The following CHLSN variants were observed in gnomAD, a reference collection of about 807,000 sequenced individuals.
CHLSN encodes the protein cholesin.
chr7:1,131,957 C>G, the CHLSN span, among the ~76,000 whole-genome samples: 3 of 152,182 alleles, frequency 2.0e-5, no homozygotes, highest in African/African-American at 7.2e-5. Context: ...AGTGCCATGA[C>G]AATTCAGTGG....
the CHLSN span, among the ~76,000 whole-genome samples, chr7:1,010,524 T>A: frequency 1.3e-4 from 20 of 152,086 alleles, no homozygotes; most frequent in Non-Finnish European, 2.6e-4. Context: ...CTGGTGTCTG[T>A]TATCACACAG....
chr7:1,033,979 A>ATC, the CHLSN span, among the ~76,000 whole-genome samples: 68 of 152,244 alleles, frequency 4.5e-4, no homozygotes, highest in Non-Finnish European at 7.6e-4. Flanking sequence ...ACAGGCAGGA[A>ATC]AAGGACCAGA....
chr7:1,075,707 G>A, the CHLSN span, among the ~76,000 whole-genome samples: 102 of 150,870 alleles, frequency 6.8e-4, no homozygotes, highest in African/African-American at 2.5e-3. Context: ...CCGCCTCCTG[G>A]GTTCACGCCA....
At chr7:993,415 C>T in the CHLSN span, among the ~76,000 whole-genome samples, 3 of 152,150 alleles carry the variant, frequency 2.0e-5, no homozygotes, top group South Asian at 2.1e-4. Context: ...AGGCTGCCAG[C>T]GCTCCAGGGA....
At chr7:1,014,635 AAC>A in the CHLSN span, among the ~76,000 whole-genome samples, 2 of 152,388 alleles carry the variant, frequency 1.3e-5, no homozygotes, top group Admixed American at 6.5e-5. Flanking sequence ...ACGTGGGACA[AAC>A]ACGCGGGGCT....
At chr7:1,068,172 G>A in the CHLSN span, among the ~76,000 whole-genome samples, 1 of 152,138 alleles carries the variant, frequency 6.6e-6, no homozygotes, top group Non-Finnish European at 1.5e-5. Flanking sequence ...TTGTCCTCAG[G>A]TCTCCACTGG....
the CHLSN span, chr7:1,087,272 G>A: frequency 1.3e-5 from 2 of 152,238 alleles, no homozygotes; most frequent in African/African-American, 2.4e-5. Context: ...TGCAGCGAGC[G>A]CGGGAGGAGG....
At chr7:1,008,861 G>GTAAACACACA in the CHLSN span, among the ~76,000 whole-genome samples, 8 of 146,918 alleles carry the variant, frequency 5.4e-5, no homozygotes, top group Admixed American at 6.6e-5. Flanking sequence ...GTAAACACAC[G>GTAAACACACA]CACACACGTG....
the CHLSN span, among the ~76,000 whole-genome samples, chr7:1,045,052 G>C: frequency 6.6e-6 from 1 of 152,380 alleles, no homozygotes; most frequent in South Asian, 2.1e-4. Flanking sequence ...TTTTGGATCT[G>C]TGTCTACATG....
chr7:1,131,463 C>T, the CHLSN span, among the ~76,000 whole-genome samples: 167 of 152,312 alleles, frequency 1.1e-3, no homozygotes, highest in African/African-American at 2.7e-3. Flanking sequence ...CCATCCCACT[C>T]GGGGCTATCA....
the CHLSN span, among the ~76,000 whole-genome samples, chr7:1,105,841 TA>T: frequency 6.6e-6 from 1 of 152,212 alleles, no homozygotes; most frequent in African/African-American, 2.4e-5. Flanking sequence ...GTTTTACTTT[TA>T]AAAAGAGGAG....
the CHLSN span, chr7:1,138,062 T>TCGCGC: frequency 6.7e-6 from 1 of 149,344 alleles, no homozygotes; most frequent in Admixed American, 6.7e-5. Context: ...CGCCGCCCGG[T>TCGCGC]CGCGCCGCGC....
chr7:1,117,776 G>A, the CHLSN span, among the ~76,000 whole-genome samples: 5 of 151,442 alleles, frequency 3.3e-5, no homozygotes, highest in East Asian at 3.9e-4. Flanking sequence ...CATCACCGAC[G>A]CCCACGCAGC....
At chr7:1,069,431 T>C in the CHLSN span, among the ~76,000 whole-genome samples, 2 of 142,348 alleles carry the variant, frequency 1.4e-5, no homozygotes, top group Admixed American at 6.9e-5. Flanking sequence ...ACTGTACTGC[T>C]GCCATCTCGG....
At chr7:1,134,153 G>C in the CHLSN span, among the ~76,000 whole-genome samples, 1 of 152,070 alleles carries the variant, frequency 6.6e-6, no homozygotes, top group East Asian at 1.9e-4. Context: ...CGTGCCTGTA[G>C]TCCCAGCTAC....
the CHLSN span, among the ~76,000 whole-genome samples, chr7:979,595 T>C: frequency 6.6e-6 from 1 of 152,044 alleles, no homozygotes; most frequent in South Asian, 2.1e-4. Flanking sequence ...CTACTAAAAA[T>C]ACAAAAATTA....
At chr7:1,014,688 T>C in the CHLSN span, among the ~76,000 whole-genome samples, 2 of 152,290 alleles carry the variant, frequency 1.3e-5, no homozygotes, top group African/African-American at 4.8e-5. Context: ...ACCAGGTCCC[T>C]GGACTGGACA....
the CHLSN span, among the ~76,000 whole-genome samples, chr7:1,004,368 G>GGAGTGGTGACCCCACTTCACGGGT: frequency 1.3e-5 from 2 of 152,194 alleles, no homozygotes; most frequent in Non-Finnish European, 2.9e-5. Flanking sequence ...TTGGGAACGT[G>GGAGTGGTGACCCCACTTCACGGGT]GAGTGGTGAC....
the CHLSN span, among the ~76,000 whole-genome samples, chr7:1,111,442 A>G: frequency 6.6e-6 from 1 of 152,246 alleles, no homozygotes; most frequent in African/African-American, 2.4e-5. Context: ...TCCATGGCAT[A>G]ACACAAAGGT....
Sources: gnomAD v4.1 joint callset for allele counts (sites outside exome capture counted in the v4.1 genomes callset) on GRCh38, gnomAD v4.1.1 for gene constraint, MANE v1.5 for transcripts, NCBI Gene and HGNC (gene_info 2026-07-23, HGNC 2026-07-21) for gene names.